KCNAB1: variants seen among roughly 807,000 people sequenced by gnomAD.
KCNAB1 encodes the protein voltage-gated potassium channel subunit beta-1.
A neutral mutation model predicts 64.6 loss-of-function variants in KCNAB1; 35 were observed. That is an observed-to-expected ratio of 0.54 (90% confidence interval 0.41 to 0.72). The LOEUF (loss-of-function observed/expected upper bound fraction) is 0.72, where lower values mean the gene tolerates loss of function less well. Among genes scored for constraint, KCNAB1 ranks in the 30% least tolerant of loss-of-function variants. The pLI is 0.00. For synonymous variants in KCNAB1, 177 were observed against 183.8 expected (o/e 0.96, Z 0.30); for missense variants, 401 against 512.9 (o/e 0.78, Z 2.11).
At chr3:156,347,200 T>C (rs1466158048) in intron 1 of KCNAB1, among the ~76,000 whole-genome samples, 1 of 152,208 alleles carries the variant, frequency 6.6e-6, no homozygotes, top group East Asian at 1.9e-4. Flanking sequence ...ATAAAGACTC[T>C]GATCCAGTAT....
rs9812862 is a variant in KCNAB1, at chr3:156,120,848, C to A, written c.237C>A (p.Ser79Arg). Reference sequence around the variant, plus strand: ...ACCTAAAGCTCTGCGACCTGTCCAGCGAGCACACCACCGTCTGCACCACAG... The same window carrying A: ...ACCTAAAGCTCTGCGACCTGTCCAGAGAGCACACCACCGTCTGCACCACAG... ...NWYLKLCDLS[S>R]EHTTVCTTGM... Residue 79 changes from serine (S) to arginine (R), a missense_variant, in exon 1 of 14, where the codon AGC (serine) becomes AGA (arginine). Transcript: ENST00000490337. 1.7e-5 allele frequency: 28 copies of A among 1,614,038 alleles called. No homozygotes were observed. The highest frequency in any genetic ancestry group is 2.1e-5 in the Non-Finnish European group (25 of 1,180,044).
intron 1 of KCNAB1, among the ~76,000 whole-genome samples, chr3:156,295,572 G>C (rs1720721997): frequency 6.6e-6 from 1 of 152,084 alleles, no homozygotes; most frequent in Non-Finnish European, 1.5e-5. Flanking sequence ...GTTATTGTTT[G>C]AAGGCAGAAG....
chr3:156,442,867 C>T (rs1432972949), intron 2 of KCNAB1, among the ~76,000 whole-genome samples: 1 of 152,148 alleles, frequency 6.6e-6, no homozygotes, highest in Non-Finnish European at 1.5e-5. Context: ...TGGCTCTGTG[C>T]ATGAGGTTGG....
intron 1 of KCNAB1, among the ~76,000 whole-genome samples, chr3:156,406,041 A>G (rs1239519282): frequency 6.6e-6 from 1 of 152,258 alleles, no homozygotes; most frequent in African/African-American, 2.4e-5. Context: ...AGCACAGAGT[A>G]GATACACCAT....
intron 1 of KCNAB1, among the ~76,000 whole-genome samples, chr3:156,413,630 A>G (rs1714845600): frequency 6.6e-6 from 1 of 152,200 alleles, no homozygotes; most frequent in African/African-American, 2.4e-5. Context: ...GCATTTCACC[A>G]CTGCACTCAA....
At chr3:156,433,910 G>A (rs1326910336) in intron 2 of KCNAB1, among the ~76,000 whole-genome samples, 2 of 152,108 alleles carry the variant, frequency 1.3e-5, no homozygotes, top group Non-Finnish European at 1.5e-5. Context: ...TCTTACCACT[G>A]GATTGAGAGT....
chr3:156,428,658 A>T (rs1042651789), intron 2 of KCNAB1, among the ~76,000 whole-genome samples: 2 of 152,170 alleles, frequency 1.3e-5, no homozygotes, highest in African/African-American at 4.8e-5. Context: ...AGGTAGGAAG[A>T]TATGGAAAAC....
intron 1 of KCNAB1, among the ~76,000 whole-genome samples, chr3:156,391,629 AG>A (rs1404554356): frequency 6.6e-6 from 1 of 152,234 alleles, no homozygotes; most frequent in Non-Finnish European, 1.5e-5. Flanking sequence ...TGTGGGCCAG[AG>A]GACAAGGATT....
At chr3:156,128,619 G>T (rs1209258010) in intron 1 of KCNAB1, among the ~76,000 whole-genome samples, 1 of 152,100 alleles carries the variant, frequency 6.6e-6, no homozygotes, top group Non-Finnish European at 1.5e-5. Context: ...GTGAGGGAAC[G>T]TGCCTCATAA....
At chr3:156,286,651 A>C (rs1228799345) in intron 1 of KCNAB1, among the ~76,000 whole-genome samples, 2 of 152,272 alleles carry the variant, frequency 1.3e-5, no homozygotes, top group Non-Finnish European at 2.9e-5. Context: ...GGTAAAAGAC[A>C]TACTCAAAAG....
chr3:156,366,287 G>A (rs1025542427), intron 1 of KCNAB1, among the ~76,000 whole-genome samples: 2 of 152,172 alleles, frequency 1.3e-5, no homozygotes, highest in Admixed American at 6.5e-5. Flanking sequence ...TGAACATATG[G>A]AAGGCTGGTG....
chr3:156,329,935 T>C (rs1723224387), intron 1 of KCNAB1, among the ~76,000 whole-genome samples: 1 of 152,168 alleles, frequency 6.6e-6, no homozygotes, highest in Non-Finnish European at 1.5e-5. Context: ...GAGTTTATAA[T>C]CAACCCCACG....
intron 1 of KCNAB1, chr3:156,292,276 G>A: frequency 5.7e-6 from 5 of 877,480 alleles, no homozygotes; most frequent in South Asian, 3.5e-5. Context: ...CTCTTTAGGG[G>A]GATGAATAAA....
Position 156,476,327 on chromosome 3 carries a change from C to G in KCNAB1, c.658+1507C>G, listed in dbSNP as rs1332398581. 2.0e-5 allele frequency among the ~76,000 whole-genome samples: 3 copies of G among 151,994 alleles called. No homozygotes were observed. The East Asian group carries it at 5.8e-4, about 29-fold the overall frequency. On this transcript the variant is annotated intron_variant, in intron 8 of 13. Transcript: ENST00000490337. Reference sequence around the variant, plus strand: ...ACTCTTCCCCCCAAGTCCCCAAAGTCCACTGTAGCATGCTTATGTCTTTGT... The same window carrying G: ...ACTCTTCCCCCCAAGTCCCCAAAGTGCACTGTAGCATGCTTATGTCTTTGT...
chr3:156,393,772 C>A (rs564942220), intron 1 of KCNAB1, among the ~76,000 whole-genome samples: 1 of 152,074 alleles, frequency 6.6e-6, no homozygotes, highest in African/African-American at 2.4e-5. Context: ...ACAGGATGTT[C>A]AAAATAAAAT....
Position 156,141,303 on chromosome 3 carries a change from G to A in KCNAB1, c.275+20417G>A, listed in dbSNP as rs1232658751. ...TTTATATTTAGTTCCATGCAGTTTG[G>A]TTACATGTATTGATTGATGTGACCA... On this transcript the variant is annotated intron_variant, in intron 1 of 13. Coordinates refer to ENST00000490337, the MANE Select transcript of KCNAB1 (RefSeq NM_172160.3). Among the ~76,000 whole-genome samples, 4 of 151,986 alleles carry A rather than the reference G, an allele frequency of 2.6e-5. No individual in the cohort carries two copies. The East Asian group carries it at 7.7e-4, about 29-fold the overall frequency.
intron 1 of KCNAB1, among the ~76,000 whole-genome samples, chr3:156,254,381 C>G (rs1316785089): frequency 6.6e-6 from 1 of 152,186 alleles, no homozygotes; most frequent in Non-Finnish European, 1.5e-5. Context: ...GCCAAACACT[C>G]TGTCTCTCAC....
chr3:156,365,375 C>A lies in KCNAB1; in HGVS notation c.276-56241C>A, dbSNP rs559400802. ...GTGTTAATTTCTATTTTCTGTATGG[C>A]GTAGACGTGCAAGAGGCTCATCTTC... is the stretch of plus-strand genomic sequence containing the variant. On this transcript the variant is annotated intron_variant, in intron 1 of 13. Transcript: ENST00000490337. Among the ~76,000 whole-genome samples, 11 of 152,218 alleles carry A rather than the reference C, an allele frequency of 7.2e-5. No individual in the cohort carries two copies. In the South Asian group the frequency reaches 2.3e-3, roughly 32 times the overall value.
chr3:156,484,402 C>T (rs547144148), intron 8 of KCNAB1, among the ~76,000 whole-genome samples: 2 of 152,180 alleles, frequency 1.3e-5, no homozygotes, highest in Middle Eastern at 6.8e-3. Flanking sequence ...GAGAGTGCTT[C>T]TGCTCACCCC....
Sources: allele counts gnomAD v4.1 joint callset (sites outside exome capture counted in the v4.1 genomes callset), GRCh38; gene constraint gnomAD v4.1.1; transcripts MANE v1.5; gene names NCBI Gene and HGNC (gene_info 2026-07-23, HGNC 2026-07-21).